The following MAML2 variants were observed in gnomAD, a reference collection of about 807,000 sequenced individuals.
MAML2 encodes mastermind-like protein 2.
MAML2 carries 22 observed loss-of-function variants against 96.1 expected under a neutral mutation model. The observed-to-expected ratio is 0.23, with a 90% CI of 0.16 to 0.33. The LOEUF (loss-of-function observed/expected upper bound fraction) is 0.33, where lower values mean the gene tolerates loss of function less well. MAML2 is among the 10% of genes least tolerant of loss of function. The probability of loss-of-function intolerance (pLI) is 1.00; values close to 1 mark genes in which losing one functional copy is unlikely to be tolerated. For missense variants in MAML2, 1,367 were observed against 1,392.4 expected, an observed-to-expected ratio of 0.98 and a Z score of 0.29; for synonymous variants, 561 against 521.3, an observed-to-expected ratio of 1.08 and a Z score of -1.04.
intron 1 of MAML2, among the ~76,000 whole-genome samples, chr11:96,160,179 G>A (rs1044924072): frequency 6.6e-6 from 1 of 152,194 alleles, no homozygotes; most frequent in Non-Finnish European, 1.5e-5. Context: ...GGGTGCTTAT[G>A]TTTAGATGAT....
intron 1 of MAML2, among the ~76,000 whole-genome samples, chr11:96,145,702 A>C (rs1860803809): frequency 6.6e-6 from 1 of 152,142 alleles, no homozygotes; most frequent in African/African-American, 2.4e-5. Context: ...ATGATGTGTG[A>C]GGGCTTTTAA....
At chr11:96,058,819 C>T (rs1021471264) in intron 2 of MAML2, among the ~76,000 whole-genome samples, 2 of 152,216 alleles carry the variant, frequency 1.3e-5, no homozygotes, top group African/African-American at 2.4e-5. Flanking sequence ...ATGCCAAGCC[C>T]TTCTCTATAA....
intron 1 of MAML2, among the ~76,000 whole-genome samples, chr11:96,258,489 C>T (rs919754376): frequency 6.6e-6 from 1 of 152,188 alleles, no homozygotes; most frequent in Non-Finnish European, 1.5e-5. Flanking sequence ...CACAGAGGAG[C>T]TGGGAGGTGA....
At chr11:96,215,632 G>GTTAA (rs1198207821) in intron 1 of MAML2, among the ~76,000 whole-genome samples, 1 of 151,572 alleles carries the variant, frequency 6.6e-6, no homozygotes, top group African/African-American at 2.4e-5. Flanking sequence ...CAGTTCACCG[G>GTTAA]TTAATTAAGC....
intron 1 of MAML2, among the ~76,000 whole-genome samples, chr11:96,110,288 A>G (rs539623710): frequency 1.3e-5 from 2 of 152,344 alleles, no homozygotes; most frequent in South Asian, 4.1e-4. Flanking sequence ...AGGGTAGAAG[A>G]CTTCCTCATC....
At chr11:96,180,247 G>A (rs767294208) in intron 1 of MAML2, among the ~76,000 whole-genome samples, 3 of 152,152 alleles carry the variant, frequency 2.0e-5, no homozygotes, top group Non-Finnish European at 4.4e-5. Context: ...CTCTTCTGGC[G>A]ATGTGATTTT....
At chr11:96,192,903 G>C (rs996459044) in intron 1 of MAML2, among the ~76,000 whole-genome samples, 17 of 152,204 alleles carry the variant, frequency 1.1e-4, no homozygotes, top group African/African-American at 3.6e-4. Flanking sequence ...TTTGTGTGCA[G>C]CAGAATTGAA....
intron 1 of MAML2, among the ~76,000 whole-genome samples, chr11:96,215,684 G>C (rs142997008): frequency 1.0e-3 from 152 of 151,900 alleles, no homozygotes; most frequent in Non-Finnish European, 1.8e-3. Flanking sequence ...TCCTGGGCTC[G>C]TTCCTGCACT....
chr11:96,312,378 T>G (rs75349007), intron 1 of MAML2, among the ~76,000 whole-genome samples: 4,860 of 152,098 alleles, frequency 0.032, 129 homozygotes, highest in South Asian at 0.16. Context: ...AGAATCCAGA[T>G]AGGTGGGCTT....
At chr11:96,341,327 C>T in intron 1 of MAML2, 56 bp downstream of exon 1, 1 of 1,468,762 alleles carries the variant, frequency 6.8e-7, no homozygotes, top group Non-Finnish European at 9.0e-7. Context: ...GCAAACTCTA[C>T]CCTCACAAAA....
At chr11:96,028,903 A>AT (rs200257731) in intron 2 of MAML2, among the ~76,000 whole-genome samples, 22 of 151,872 alleles carry the variant, frequency 1.4e-4, no homozygotes, top group African/African-American at 4.8e-4. Flanking sequence ...CACACAGACC[A>AT]TTTTTTTTAA....
intron 1 of MAML2, among the ~76,000 whole-genome samples, chr11:96,281,806 G>C (rs1415476176): frequency 3.3e-5 from 5 of 152,030 alleles, no homozygotes; most frequent in Non-Finnish European, 7.4e-5. Context: ...GGAGGTCAAA[G>C]CTACAGTGGG....
intron 1 of MAML2, among the ~76,000 whole-genome samples, chr11:96,260,906 C>T (rs1001294261): frequency 2.6e-5 from 4 of 151,938 alleles, no homozygotes; most frequent in African/African-American, 9.7e-5. Flanking sequence ...TGGGGGACAG[C>T]GTAGCTTTGA....
intron 1 of MAML2, among the ~76,000 whole-genome samples, chr11:96,171,752 G>C (rs1231456443): frequency 6.6e-6 from 1 of 152,248 alleles, no homozygotes; most frequent in Non-Finnish European, 1.5e-5. Context: ...CAGATGCCAA[G>C]GGATATGGGT....
intron 2 of MAML2, among the ~76,000 whole-genome samples, chr11:96,050,127 C>T (rs1451662465): frequency 1.3e-5 from 2 of 152,148 alleles, no homozygotes; most frequent in East Asian, 3.8e-4. Flanking sequence ...TCAAAAGATC[C>T]TTACCGGTGT....
At chr11:96,285,010 C>A (rs544114242) in intron 1 of MAML2, among the ~76,000 whole-genome samples, 2 of 152,280 alleles carry the variant, frequency 1.3e-5, no homozygotes, top group South Asian at 2.1e-4. Flanking sequence ...GCAACCATAT[C>A]TCTTGCCCCA....
At chr11:95,986,489 C>T (rs770649632) in intron 3 of MAML2, among the ~76,000 whole-genome samples, 47 of 152,142 alleles carry the variant, frequency 3.1e-4, no homozygotes, top group Non-Finnish European at 5.7e-4. Flanking sequence ...CATGAACAAC[C>T]GCGCCCAGCT....
At chr11:96,249,484 A>G (rs1048437038) in intron 1 of MAML2, among the ~76,000 whole-genome samples, 1 of 152,084 alleles carries the variant, frequency 6.6e-6, no homozygotes, top group African/African-American at 2.4e-5. Context: ...AAAATGTCCA[A>G]AATGAAACTT....
chr11:96,278,876 G>A (rs1031488921), intron 1 of MAML2, among the ~76,000 whole-genome samples: 20 of 152,110 alleles, frequency 1.3e-4, no homozygotes, highest in African/African-American at 3.9e-4. Flanking sequence ...GGATAACTGC[G>A]GGGGGTATGT....
Sources: allele counts gnomAD v4.1 joint callset (sites outside exome capture counted in the v4.1 genomes callset), GRCh38; gene constraint gnomAD v4.1.1; transcripts MANE v1.5; gene names NCBI Gene and HGNC (gene_info 2026-07-23, HGNC 2026-07-21).